PHTF2: variants seen among roughly 807,000 people sequenced by gnomAD.
PHTF2 encodes protein PHTF2.
PHTF2 carries 60 observed loss-of-function variants against 101.2 expected under a neutral mutation model. The ratio of observed to expected loss-of-function variants is 0.59; its 90% confidence interval spans 0.48 to 0.73. The LOEUF (loss-of-function observed/expected upper bound fraction) is 0.73, where lower values mean the gene tolerates loss of function less well. Ranked by LOEUF, PHTF2 falls within the 30% of genes least tolerant of loss-of-function variation. The pLI is 0.00. For missense variants in PHTF2, 747 were observed against 908.7 expected (o/e 0.82, Z 2.29); for synonymous variants, 311 against 307.3 (o/e 1.01, Z -0.13).
At chr7:77,923,887 G>A in intron 11 of PHTF2, 1 of 975,582 alleles carries the variant, frequency 1.0e-6, no homozygotes, top group African/African-American at 1.7e-5. Flanking sequence ...TTGAAGCGCA[G>A]AACATTATTC....
At chr7:77,846,799 G>T (rs1405152371) in intron 2 of PHTF2, among the ~76,000 whole-genome samples, 6 of 151,908 alleles carry the variant, frequency 3.9e-5, no homozygotes, top group Admixed American at 1.3e-4. Context: ...GCACTATCAT[G>T]CCCAGGTAGT....
intron 9 of PHTF2, among the ~76,000 whole-genome samples, chr7:77,912,657 T>C (rs1802504414): frequency 6.8e-6 from 1 of 148,104 alleles, no homozygotes; most frequent in African/African-American, 2.5e-5. Context: ...ACTATTCTAT[T>C]TTTGTATATA....
At chr7:77,818,628 A>T (rs1248372885) in intron 1 of PHTF2, among the ~76,000 whole-genome samples, 2 of 152,198 alleles carry the variant, frequency 1.3e-5, no homozygotes, top group African/African-American at 4.8e-5. Flanking sequence ...GTCTGTTTTT[A>T]TGCCAGTACT....
intron 19 of PHTF2, among the ~76,000 whole-genome samples, chr7:77,954,231 T>C (rs973461782): frequency 5.9e-5 from 9 of 152,112 alleles, no homozygotes; most frequent in Admixed American, 2.6e-4. Context: ...CCTCCCGGGT[T>C]CAAGGATTTC....
intron 3 of PHTF2, among the ~76,000 whole-genome samples, chr7:77,871,340 A>T (rs1306051666): frequency 6.6e-6 from 1 of 152,168 alleles, no homozygotes; most frequent in Non-Finnish European, 1.5e-5. Context: ...TTGATAGTCC[A>T]GGCCAATCAC....
intron 12 of PHTF2, among the ~76,000 whole-genome samples, chr7:77,935,524 G>A (rs1554392318): frequency 1.3e-5 from 2 of 152,024 alleles, no homozygotes; most frequent in Non-Finnish European, 2.9e-5. Context: ...CGCGCCCGGC[G>A]TAATTAACTC....
intron 1 of PHTF2, among the ~76,000 whole-genome samples, chr7:77,799,387 C>G (rs1792342495): frequency 6.6e-6 from 1 of 152,236 alleles, no homozygotes; most frequent in African/African-American, 2.4e-5. Context: ...GGTGGCTAGC[C>G]CGGCTGGCGG....
chr7:77,919,503 C>T (rs117725087), intron 9 of PHTF2, among the ~76,000 whole-genome samples: 1,849 of 152,146 alleles, frequency 0.012, 15 homozygotes, highest in Middle Eastern at 0.031. Flanking sequence ...TTCTACTAAC[C>T]GTTTCCTTTG....
In PHTF2 at chr7:77,825,291, G is replaced by A. The variant is rs77138658; in HGVS notation, c.-35-14930G>A. ...TGACAAGGCTTCTAATCCCAGCCCC[G>A]TATCCCAGAAACAAGACAAAGGAAA... On this transcript the variant is annotated intron_variant, in intron 1 of 19. Transcript: ENST00000416283. 1.9e-3 allele frequency among the ~76,000 whole-genome samples: 294 copies of A among 152,276 alleles called. 1 individual carries two copies. The highest frequency in any genetic ancestry group is 6.6e-3 in the African/African-American group (276 of 41,556).
In PHTF2 at chr7:77,848,077, A is replaced by G. The variant is rs143556802; in HGVS notation, c.46-6656A>G. ...ACGACGGAATACTACTCCATTGTGT[A>G]TATGTACCAATTTTCTTTATCCATT... On this transcript the variant is annotated intron_variant, in intron 2 of 19. Transcript: ENST00000416283. 1.3e-4 allele frequency among the ~76,000 whole-genome samples: 20 copies of G among 152,284 alleles called. No individual in the cohort carries two copies. In the East Asian group the frequency reaches 3.3e-3, roughly 25 times the overall value.
intron 3 of PHTF2, among the ~76,000 whole-genome samples, chr7:77,863,824 T>C (rs888255841): frequency 1.3e-5 from 2 of 150,572 alleles, no homozygotes; most frequent in Non-Finnish European, 1.5e-5. Flanking sequence ...TCTTACTCTG[T>C]CGCCCAAGCT....
chr7:77,934,992 A>G (rs560812404), intron 12 of PHTF2, among the ~76,000 whole-genome samples: 20 of 151,916 alleles, frequency 1.3e-4, no homozygotes, highest in African/African-American at 4.6e-4. Context: ...AGAGTAACCT[A>G]TGTGATAAAA....
chr7:77,860,923 C>T (rs1797588458), intron 3 of PHTF2, among the ~76,000 whole-genome samples: 2 of 152,130 alleles, frequency 1.3e-5, no homozygotes, highest in South Asian at 2.1e-4. Context: ...AGGCTGGTCT[C>T]GAACTCCTGG....
exon 20 of PHTF2, chr7:77,956,226 G>T (rs1806982405): frequency 6.6e-6 from 1 of 152,468 alleles, no homozygotes; most frequent in African/African-American, 2.4e-5. Context: ...GGTGCAAAGT[G>T]TATCATGTGG....
chr7:77,927,217 C>T (rs1804135611), intron 11 of PHTF2, among the ~76,000 whole-genome samples: 1 of 127,604 alleles, frequency 7.8e-6, no homozygotes, highest in Non-Finnish European at 1.8e-5. Context: ...CACACACACA[C>T]ACACACAAAC....
At chr7:77,911,327 C>G (rs955595781) in intron 9 of PHTF2, among the ~76,000 whole-genome samples, 11 of 149,798 alleles carry the variant, frequency 7.3e-5, no homozygotes, top group Non-Finnish European at 1.6e-4. Flanking sequence ...TATAGTTGTA[C>G]CATCAATGAA....
chr7:77,845,951 GTCCGTC>G (rs932744588), intron 2 of PHTF2, among the ~76,000 whole-genome samples: 2 of 152,164 alleles, frequency 1.3e-5, no homozygotes, highest in Non-Finnish European at 2.9e-5. Context: ...CATCAGATGT[GTCCGTC>G]TGCCTCTTTT....
intron 5 of PHTF2, among the ~76,000 whole-genome samples, chr7:77,894,772 A>T (rs1209164132): frequency 6.6e-6 from 1 of 152,136 alleles, no homozygotes; most frequent in African/African-American, 2.4e-5. Flanking sequence ...TCATAGAGGA[A>T]GTGGTTCATT....
At chr7:77,833,709 C>G (rs1464424624) in intron 1 of PHTF2, among the ~76,000 whole-genome samples, 1 of 152,134 alleles carries the variant, frequency 6.6e-6, no homozygotes, top group African/African-American at 2.4e-5. Context: ...GTTGCTGAGT[C>G]TAGCTACTTG....
Sources: allele counts gnomAD v4.1 joint callset (sites outside exome capture counted in the v4.1 genomes callset), GRCh38; gene constraint gnomAD v4.1.1; transcripts MANE v1.5; gene names NCBI Gene and HGNC (gene_info 2026-07-23, HGNC 2026-07-21).